PCDH15: variants seen among roughly 807,000 people sequenced by gnomAD.
PCDH15 encodes the protein protocadherin related 15.
PCDH15 carries 129 observed loss-of-function variants against 178.5 expected under a neutral mutation model. That is an observed-to-expected ratio of 0.72 (90% CI 0.63 to 0.84). The LOEUF is 0.84. PCDH15 is among the 40% of genes least tolerant of loss of function. The pLI, the probability that PCDH15 is intolerant of heterozygous loss-of-function variation, is 0.00. For synonymous variants in PCDH15, 800 were observed against 732.0 expected, an observed-to-expected ratio of 1.09 and a Z score of -1.50; for missense variants, 2,230 against 2,099.9, an observed-to-expected ratio of 1.06 and a Z score of -1.21.
chr10:55,311,617 G>A (rs1843589628), intron 1 of PCDH15, among the ~76,000 whole-genome samples: 1 of 152,158 alleles, frequency 6.6e-6, no homozygotes, highest in Non-Finnish European at 1.5e-5. Context: ...AGACCTTTTG[G>A]AAAAATGAGG....
chr10:55,098,870 A>G (rs933177908), intron 2 of PCDH15, among the ~76,000 whole-genome samples: 1 of 136,322 alleles, frequency 7.3e-6, no homozygotes, highest in African/African-American at 2.8e-5. Context: ...TTTGAGTTCC[A>G]TGTGTTCTTT....
At chr10:55,425,337 G>GA (rs998618901) in intron 2 of PCDH15, among the ~76,000 whole-genome samples, 1 of 151,816 alleles carries the variant, frequency 6.6e-6, no homozygotes, top group Admixed American at 6.6e-5. Context: ...AAAAGTCATG[G>GA]AAAAAACTAA....
intron 3 of PCDH15, among the ~76,000 whole-genome samples, chr10:54,853,299 A>G (rs1411340619): frequency 2.0e-5 from 2 of 101,786 alleles, no homozygotes; most frequent in African/African-American, 3.8e-5. Flanking sequence ...GTATATATAT[A>G]TATATATATA....
At chr10:53,989,950 A>G (rs186020344) in intron 21 of PCDH15, among the ~76,000 whole-genome samples, 145 of 152,318 alleles carry the variant, frequency 9.5e-4, no homozygotes, top group Non-Finnish European at 1.7e-3. Context: ...AGTTTTGACT[A>G]TGGCACACAA....
In PCDH15 at chr10:55,512,807, C is replaced by G. The variant is rs2132153655; in HGVS notation, c.-156+114818G>C. ...ACTTGCTTTCCCAAAGCAGAAAGAA[C>G]AGAAGGAGAAGTAATTAAATACAAT... On this transcript the variant is annotated intron_variant, in intron 2 of 5. Coordinates refer to the PCDH15 transcript ENST00000613346. The G allele has an allele frequency of 2.0e-5, 3 of 152,190 alleles. No individual in the cohort carries two copies. The Middle Eastern group carries it at 0.01, about 518-fold the overall frequency. The allele number at this position is 152,190 out of a possible 1,614,324, so 9.4% of individuals were successfully genotyped here.
chr10:54,580,793 T>C (rs938726179), intron 2 of PCDH15, among the ~76,000 whole-genome samples: 67 of 152,228 alleles, frequency 4.4e-4, no homozygotes, highest in African/African-American at 1.6e-3. Context: ...TAGTTCAACA[T>C]GTGCAAATCA....
chr10:54,577,011 A>C (rs1317034765), intron 2 of PCDH15, among the ~76,000 whole-genome samples: 1 of 152,200 alleles, frequency 6.6e-6, no homozygotes, highest in Non-Finnish European at 1.5e-5. Flanking sequence ...ATGGCTGAAC[A>C]CCTAGGGGAT....
intron 1 of PCDH15, among the ~76,000 whole-genome samples, chr10:54,700,685 C>T (rs2095297896): frequency 6.6e-6 from 1 of 152,010 alleles, no homozygotes; most frequent in Non-Finnish European, 1.5e-5. Context: ...AAAGAATGGA[C>T]AAAACCTTTG....
intron 2 of PCDH15, among the ~76,000 whole-genome samples, chr10:55,329,915 G>C (rs1387697763): frequency 2.0e-5 from 3 of 149,700 alleles, no homozygotes; most frequent in Admixed American, 6.7e-5. Context: ...TAGGGTAATA[G>C]AGACTCCAAT....
chr10:54,195,992 A>G lies in PCDH15; in HGVS notation c.1099-103T>C. On this transcript the variant is annotated intron_variant, in intron 10 of 37. Transcript: ENST00000644397. ...ATATAGGGTTCTCTTTTTAACTAAT[A>G]TCATCACATAAGGAAAAAATACGTT... The G allele has an allele frequency of 4.0e-6, 4 of 989,476 alleles. No individual in the cohort carries two copies. The East Asian group carries it at 1.0e-4, about 26-fold the overall frequency. 61.3% of individuals were successfully genotyped at this position (989,476 alleles called of 1,614,324 possible). A position where few individuals can be genotyped will look rare whatever the true frequency, so the allele number is the denominator to read the frequency against.
rs560434522 is a variant in PCDH15, at chr10:54,568,939, G to A, written c.92-41062C>T. On this transcript the variant is annotated intron_variant, in intron 2 of 37. Transcript: ENST00000644397. ...ATTTTTGATTGCCATTTTGTAGTCTGTAATATATGATTTATTTTTGAAATG... is the reference window on the plus strand; with the variant it reads ...ATTTTTGATTGCCATTTTGTAGTCTATAATATATGATTTATTTTTGAAATG... Among the ~76,000 whole-genome samples the A allele has an allele frequency of 9.9e-4, 151 of 152,016 alleles. 1 individual carries two copies. The highest frequency in any genetic ancestry group is 3.5e-3 in the African/African-American group (147 of 41,500).
At chr10:54,507,225 T>G (rs2081248153) in intron 3 of PCDH15, among the ~76,000 whole-genome samples, 1 of 151,852 alleles carries the variant, frequency 6.6e-6, no homozygotes, top group African/African-American at 2.4e-5. Flanking sequence ...AATGAGCTTT[T>G]GAGGTAAGTC....
In PCDH15 at chr10:55,386,897, G is replaced by A. The variant is rs147882029; in HGVS notation, c.-155-220246C>T. Among the ~76,000 whole-genome samples, 515 of 152,052 alleles carry A rather than the reference G, an allele frequency of 3.4e-3. 4 individuals carry two copies. The highest frequency in any genetic ancestry group is 0.02 in the Admixed American group (298 of 15,242). ...TTTCTTCTTAGGTGTACAAATTAACGTACAAATCAGTATAATTTTTATTTC... is the reference window on the plus strand; with the variant it reads ...TTTCTTCTTAGGTGTACAAATTAACATACAAATCAGTATAATTTTTATTTC... On this transcript the variant is annotated intron_variant, in intron 2 of 5. Coordinates refer to the PCDH15 transcript ENST00000613346.
In PCDH15 at chr10:54,182,146, T is replaced by C. The variant is rs555497551; in HGVS notation, c.1590+1298A>G. On this transcript the variant is annotated intron_variant, in intron 13 of 37. Transcript: ENST00000644397. ...CTAATTTTTTTAAAAATTTTTATTTTAGTAGAGGTGGGGTTTCACCATATT... is the reference window on the plus strand; with the variant it reads ...CTAATTTTTTTAAAAATTTTTATTTCAGTAGAGGTGGGGTTTCACCATATT... Among the ~76,000 whole-genome samples the C allele has an allele frequency of 2.5e-3, 386 of 152,224 alleles. 2 individuals carry two copies. Among genetic ancestry groups the C allele is most frequent in the African/African-American group, 8.7e-3 (363 of 41,542 alleles).
chr10:55,585,087 T>G (rs1477283555), intron 2 of PCDH15, among the ~76,000 whole-genome samples: 1 of 151,734 alleles, frequency 6.6e-6, no homozygotes, highest in East Asian at 1.9e-4. Context: ...ATATGTATAT[T>G]TATGGAATTA....
intron 1 of PCDH15, among the ~76,000 whole-genome samples, chr10:54,720,270 G>T (rs577104998): frequency 1.8e-4 from 28 of 152,084 alleles, no homozygotes; most frequent in African/African-American, 6.7e-4. Context: ...CACTTGGATT[G>T]TCTTGGGAGA....
At chr10:53,969,072 G>A (rs185282091) in intron 21 of PCDH15, among the ~76,000 whole-genome samples, 42 of 152,266 alleles carry the variant, frequency 2.8e-4, no homozygotes, top group Middle Eastern at 3.4e-3. Flanking sequence ...GCTAAAGGAG[G>A]ATGTTTGAAC....
At chr10:55,600,188 C>T (rs1843042806) in intron 2 of PCDH15, 1 of 242,304 alleles carries the variant, frequency 4.1e-6, no homozygotes, top group South Asian at 1.1e-4. Context: ...CATAGTAAAA[C>T]CCTGTATCTA....
chr10:54,190,602 C>T (rs1376242351), intron 11 of PCDH15, among the ~76,000 whole-genome samples: 1 of 152,090 alleles, frequency 6.6e-6, no homozygotes, highest in African/African-American at 2.4e-5. Context: ...GACTGCATCT[C>T]CATATGTAGC....
Sources: gnomAD v4.1 joint callset for allele counts (sites outside exome capture counted in the v4.1 genomes callset) on GRCh38, gnomAD v4.1.1 for gene constraint, MANE v1.5 for transcripts, NCBI Gene and HGNC (gene_info 2026-07-23, HGNC 2026-07-21) for gene names.